The following KCNQ5 variants were observed in gnomAD, a reference collection of about 807,000 sequenced individuals.
The protein encoded by KCNQ5 is potassium voltage-gated channel subfamily KQT member 5.
A neutral mutation model predicts 98.2 loss-of-function variants in KCNQ5; 30 were observed. The ratio of observed to expected loss-of-function variants is 0.31; its 90% CI spans 0.23 to 0.41. The LOEUF is 0.41. Among genes scored for constraint, KCNQ5 ranks in the 10% least tolerant of loss-of-function variants. The pLI is 1.00. For synonymous variants in KCNQ5, 458 were observed against 449.4 expected, an observed-to-expected ratio of 1.02 and a Z score of -0.24; for missense variants, 835 against 1,182.5, an observed-to-expected ratio of 0.71 and a Z score of 4.31.
chr6:73,029,090 T>G (rs1463121289), intron 2 of KCNQ5, among the ~76,000 whole-genome samples: 2 of 152,156 alleles, frequency 1.3e-5, no homozygotes, highest in African/African-American at 4.8e-5. Context: ...ATGTATTAAT[T>G]AAGACATATT....
chr6:73,195,418 C>T lies in KCNQ5; in HGVS notation c.*4C>T. The stretch of plus-strand genomic sequence containing the variant: ...GCCTCATGTCAAACTGAAATAAGTT[C>T]TTCATTTTCTTTCCAGGCATAGCAG... On this transcript the variant is annotated 3_prime_UTR_variant, in exon 14 of 14. Transcript: ENST00000370398. 1 of 1,608,504 alleles carries T rather than the reference C, an allele frequency of 6.2e-7. No individual in the cohort carries two copies. Among genetic ancestry groups the T allele is most frequent in the Non-Finnish European group, 8.5e-7 (1 of 1,175,922 alleles).
intron 1 of KCNQ5, among the ~76,000 whole-genome samples, chr6:72,736,830 G>A (rs9293904): frequency 0.37 from 56,629 of 151,918 alleles, 14,011 homozygotes; most frequent in African/African-American, 0.68. Flanking sequence ...AAAAATTTAC[G>A]TAGGCAATAT....
chr6:73,067,902 AT>A (rs869154616), intron 3 of KCNQ5, among the ~76,000 whole-genome samples: 14 of 458 alleles, frequency 0.031, no homozygotes, highest in African/African-American at 0.032. Context: ...ATATATATAT[AT>A]ATAACTAAAA....
intron 1 of KCNQ5, among the ~76,000 whole-genome samples, chr6:72,642,892 A>G (rs1765395764): frequency 6.6e-6 from 1 of 152,222 alleles, no homozygotes; most frequent in African/African-American, 2.4e-5. Flanking sequence ...GATAAAGAAA[A>G]TGTGGTACAT....
At chr6:73,070,286 C>T (rs1773244165) in intron 3 of KCNQ5, among the ~76,000 whole-genome samples, 1 of 152,030 alleles carries the variant, frequency 6.6e-6, no homozygotes, top group African/African-American at 2.4e-5. Flanking sequence ...ATAGGCTTCT[C>T]AATAAGTATA....
chr6:72,869,877 T>C (rs1421204012), intron 1 of KCNQ5, among the ~76,000 whole-genome samples: 1 of 152,020 alleles, frequency 6.6e-6, no homozygotes, highest in African/African-American at 2.4e-5. Context: ...GCGATGAGGG[T>C]CAAAGAGAAT....
chr6:72,910,630 G>A (rs1779906331), intron 1 of KCNQ5, among the ~76,000 whole-genome samples: 1 of 150,040 alleles, frequency 6.7e-6, no homozygotes, highest in African/African-American at 2.5e-5. Context: ...TGACTTCTGT[G>A]TACTATTCTT....
chr6:72,985,474 A>T (rs1295555528), intron 1 of KCNQ5, among the ~76,000 whole-genome samples: 1 of 152,210 alleles, frequency 6.6e-6, no homozygotes, highest in Non-Finnish European at 1.5e-5. Context: ...AAAAGAAATA[A>T]TCCTACTTGT....
chr6:72,693,633 T>C (rs568590314), intron 1 of KCNQ5, among the ~76,000 whole-genome samples: 1 of 152,278 alleles, frequency 6.6e-6, no homozygotes, highest in South Asian at 2.1e-4. Flanking sequence ...TAGCTATTAC[T>C]GGTTGTTTAA....
intron 1 of KCNQ5, among the ~76,000 whole-genome samples, chr6:72,698,246 A>C (rs1202756809): frequency 6.6e-6 from 1 of 151,778 alleles, no homozygotes; most frequent in South Asian, 2.1e-4. Flanking sequence ...CTTGTTGCCC[A>C]GGTTGGAGTG....
intron 1 of KCNQ5, among the ~76,000 whole-genome samples, chr6:72,924,772 A>T (rs963453877): frequency 1.3e-5 from 2 of 152,200 alleles, no homozygotes; most frequent in Non-Finnish European, 2.9e-5. Context: ...ATCTTGGGAT[A>T]TGGAATTTTT....
chr6:72,905,906 A>G (rs1358714225), intron 1 of KCNQ5, among the ~76,000 whole-genome samples: 1 of 152,268 alleles, frequency 6.6e-6, no homozygotes, highest in East Asian at 1.9e-4. Context: ...TCCAGAGAGC[A>G]TCATCTGTGG....
intron 1 of KCNQ5, among the ~76,000 whole-genome samples, chr6:72,818,556 A>C (rs941974663): frequency 1.3e-5 from 2 of 151,760 alleles, no homozygotes; most frequent in African/African-American, 4.8e-5. Context: ...CATTGCCCTT[A>C]ATATTTAACT....
chr6:72,960,427 T>G (rs1222186181), intron 1 of KCNQ5, among the ~76,000 whole-genome samples: 3 of 152,044 alleles, frequency 2.0e-5, no homozygotes, highest in Non-Finnish European at 4.4e-5. Flanking sequence ...TTGTTGTTGT[T>G]TTGTTTTGTT....
chr6:72,771,636 T>A lies in KCNQ5; in HGVS notation c.398+149049T>A, dbSNP rs112998964. On this transcript the variant is annotated intron_variant, in intron 1 of 13. Transcript: ENST00000370398. ...TGATGGATATGTTAAGACATTTGAA[T>A]ATAGTAACCATTTCACTGTGTGTGT... 5.8e-3 allele frequency among the ~76,000 whole-genome samples: 839 copies of A among 145,582 alleles called. 2 individuals carry two copies. Among genetic ancestry groups the A allele is most frequent in the Non-Finnish European group, 9.6e-3 (635 of 66,488 alleles).
At chr6:73,024,342 G>A (rs571323784) in intron 2 of KCNQ5, among the ~76,000 whole-genome samples, 9 of 40,400 alleles carry the variant, frequency 2.2e-4, no homozygotes, top group African/African-American at 7.2e-4. Context: ...AACCTCCCTT[G>A]ATATGCCATC....
intron 1 of KCNQ5, among the ~76,000 whole-genome samples, chr6:72,809,310 T>G (rs956105729): frequency 2.0e-5 from 3 of 149,802 alleles, no homozygotes; most frequent in African/African-American, 4.9e-5. Context: ...AGTTAGTGGG[T>G]GCAGCACACC....
chr6:72,738,493 A>G (rs1025494708), intron 1 of KCNQ5, among the ~76,000 whole-genome samples: 1 of 152,178 alleles, frequency 6.6e-6, no homozygotes, highest in African/African-American at 2.4e-5. Context: ...GTATGCGAAT[A>G]AACTGGTAAG....
intron 1 of KCNQ5, among the ~76,000 whole-genome samples, chr6:72,911,943 G>C (rs1227490373): frequency 6.6e-6 from 1 of 152,108 alleles, no homozygotes; most frequent in Non-Finnish European, 1.5e-5. Context: ...GTGGTCTGGA[G>C]GCTTGCCCAT....
Sources: gnomAD v4.1 joint callset for allele counts (sites outside exome capture counted in the v4.1 genomes callset) on GRCh38, gnomAD v4.1.1 for gene constraint, MANE v1.5 for transcripts, NCBI Gene and HGNC (gene_info 2026-07-23, HGNC 2026-07-21) for gene names.